The following CNTNAP2 variants were observed in gnomAD, a reference collection of about 807,000 sequenced individuals.
The protein encoded by CNTNAP2 is contactin-associated protein-like 2.
Under a neutral mutation model 155.2 loss-of-function variants are expected in CNTNAP2, and 98 were observed. The ratio of observed to expected loss-of-function variants is 0.63; its 90% CI spans 0.54 to 0.75. The LOEUF is 0.75. Among genes scored for constraint, CNTNAP2 ranks in the 30% least tolerant of loss-of-function variants. The pLI is 0.00. For synonymous variants in CNTNAP2, 651 were observed against 631.2 expected (o/e 1.03, Z -0.47); for missense variants, 1,727 against 1,688.1 (o/e 1.02, Z -0.40).
intron 1 of CNTNAP2, among the ~76,000 whole-genome samples, chr7:146,477,473 A>G (rs1467210948): frequency 6.6e-6 from 1 of 152,240 alleles, no homozygotes; most frequent in East Asian, 1.9e-4. Flanking sequence ...ATTTGTTACA[A>G]AAAGGGATGC....
intron 13 of CNTNAP2, among the ~76,000 whole-genome samples, chr7:147,646,489 AAG>A (rs1451763283): frequency 2.0e-5 from 3 of 152,246 alleles, no homozygotes; most frequent in Non-Finnish European, 4.4e-5. Flanking sequence ...TGGAAGAACT[AAG>A]AGTATCATCA....
At chr7:146,692,988 G>T (rs776627861) in intron 1 of CNTNAP2, among the ~76,000 whole-genome samples, 1 of 151,924 alleles carries the variant, frequency 6.6e-6, no homozygotes, top group Non-Finnish European at 1.5e-5. Context: ...TATAGTATAC[G>T]GTAAAAGGGC....
At chr7:147,274,443 A>G (rs1390247812) in intron 8 of CNTNAP2, among the ~76,000 whole-genome samples, 1 of 151,956 alleles carries the variant, frequency 6.6e-6, no homozygotes, top group African/African-American at 2.4e-5. Context: ...ACATTTTTAT[A>G]TGTTTATTGG....
chr7:146,705,470 T>G (rs1312540792), intron 1 of CNTNAP2, among the ~76,000 whole-genome samples: 3 of 152,096 alleles, frequency 2.0e-5, no homozygotes, highest in Non-Finnish European at 4.4e-5. Context: ...ATGAGAAGTC[T>G]CTACCCTTAT....
intron 23 of CNTNAP2, among the ~76,000 whole-genome samples, chr7:148,410,472 CAA>C (rs1237087528): frequency 1.4e-5 from 2 of 144,854 alleles, no homozygotes; most frequent in East Asian, 2.1e-4. Flanking sequence ...GAGCCTGAGA[CAA>C]GAGAATTGCT....
At chr7:146,772,056 A>G (rs1802301697) in intron 1 of CNTNAP2, among the ~76,000 whole-genome samples, 1 of 152,152 alleles carries the variant, frequency 6.6e-6, no homozygotes, top group African/African-American at 2.4e-5. Flanking sequence ...AGTACGTGCC[A>G]AGTACCATTG....
chr7:148,242,986 C>G (rs1467276450), intron 20 of CNTNAP2, among the ~76,000 whole-genome samples: 1 of 152,174 alleles, frequency 6.6e-6, no homozygotes, highest in African/African-American at 2.4e-5. Context: ...ACAAACCCCC[C>G]CTTTGTGGGT....
At chr7:147,939,161 A>G (rs192931806) in intron 14 of CNTNAP2, among the ~76,000 whole-genome samples, 2 of 152,290 alleles carry the variant, frequency 1.3e-5, no homozygotes, top group Admixed American at 1.3e-4. Context: ...GTTCGCATAA[A>G]CTATAATCAT....
At chr7:147,618,979 G>A (rs974928934) in intron 12 of CNTNAP2, among the ~76,000 whole-genome samples, 11 of 152,224 alleles carry the variant, frequency 7.2e-5, no homozygotes, top group Admixed American at 3.9e-4. Flanking sequence ...TTGAGGGCCC[G>A]TTATTGCCAG....
chr7:146,985,336 T>C (rs1798096163), intron 3 of CNTNAP2, among the ~76,000 whole-genome samples: 1 of 80,248 alleles, frequency 1.2e-5, no homozygotes. Flanking sequence ...TTTTTTTTTT[T>C]TGAGACAGTC....
At chr7:146,674,334 CT>C (rs1800358713) in intron 1 of CNTNAP2, among the ~76,000 whole-genome samples, 1 of 152,042 alleles carries the variant, frequency 6.6e-6, no homozygotes, top group African/African-American at 2.4e-5. Flanking sequence ...TACGTACTTT[CT>C]TAGTAATATT....
At chr7:146,825,404 T>C (rs1207756931) in intron 2 of CNTNAP2, among the ~76,000 whole-genome samples, 2 of 152,096 alleles carry the variant, frequency 1.3e-5, no homozygotes, top group African/African-American at 4.8e-5. Context: ...GTAATGTGTG[T>C]AGCAAGTGCC....
At chr7:147,197,989 G>A (rs910594330) in intron 8 of CNTNAP2, among the ~76,000 whole-genome samples, 5 of 152,086 alleles carry the variant, frequency 3.3e-5, no homozygotes, top group African/African-American at 4.8e-5. Context: ...GGTATTGCAT[G>A]CCTAAATACT....
chr7:146,954,521 G>T (rs1462874721), intron 3 of CNTNAP2, among the ~76,000 whole-genome samples: 3 of 151,928 alleles, frequency 2.0e-5, no homozygotes, highest in Non-Finnish European at 4.4e-5. Context: ...AATCAGTCAG[G>T]AATTTGACAG....
At chr7:147,182,657 T>G (rs1802486934) in intron 8 of CNTNAP2, among the ~76,000 whole-genome samples, 1 of 152,120 alleles carries the variant, frequency 6.6e-6, no homozygotes, top group South Asian at 2.1e-4. Context: ...TAGAACAGAA[T>G]TAGGAAGTTT....
intron 22 of CNTNAP2, among the ~76,000 whole-genome samples, chr7:148,393,867 C>T (rs1799408438): frequency 6.6e-6 from 1 of 151,696 alleles, no homozygotes; most frequent in Non-Finnish European, 1.5e-5. Context: ...ATTTATTTTT[C>T]CATAAACTCC....
intron 2 of CNTNAP2, among the ~76,000 whole-genome samples, chr7:146,779,001 A>G (rs1178550222): frequency 6.6e-6 from 1 of 152,192 alleles, no homozygotes; most frequent in Non-Finnish European, 1.5e-5. Flanking sequence ...AAACGATAAC[A>G]GGCTATGTGT....
At chr7:146,514,571 A>G (rs1797514044) in intron 1 of CNTNAP2, among the ~76,000 whole-genome samples, 1 of 151,828 alleles carries the variant, frequency 6.6e-6, no homozygotes, top group South Asian at 2.1e-4. Flanking sequence ...TCTGTTTGAT[A>G]TTTTTAATGA....
intron 1 of CNTNAP2, among the ~76,000 whole-genome samples, chr7:146,541,135 C>T (rs1259186732): frequency 6.6e-6 from 1 of 152,122 alleles, no homozygotes; most frequent in South Asian, 2.1e-4. Context: ...TCTTCTTCCT[C>T]CTTGTACTTC....
Sources: allele counts gnomAD v4.1 joint callset (sites outside exome capture counted in the v4.1 genomes callset), GRCh38; gene constraint gnomAD v4.1.1; transcripts MANE v1.5; gene names NCBI Gene and HGNC (gene_info 2026-07-23, HGNC 2026-07-21).